The following NADSYN1 variants were observed in gnomAD, a reference collection of about 807,000 sequenced individuals.
NADSYN1 encodes the protein NAD synthetase 1, also known as glutamine-dependent NAD(+) synthetase.
NADSYN1 carries 80 observed loss-of-function variants against 99.3 expected under a neutral mutation model. The observed-to-expected ratio is 0.81, with a 90% CI of 0.67 to 0.97. The LOEUF (loss-of-function observed/expected upper bound fraction) is 0.97. Among genes scored for constraint, NADSYN1 ranks in the 50% least tolerant of loss-of-function variants. NADSYN1 has a pLI of 0.00. For missense variants in NADSYN1, 859 were observed against 948.5 expected, an observed-to-expected ratio of 0.91 and a Z score of 1.24; for synonymous variants, 385 against 372.1, an observed-to-expected ratio of 1.03 and a Z score of -0.40.
chr11:71,478,102 CAGGGGTGTGTCTTACTGACG>C (rs1949681774), intron 9 of NADSYN1, among the ~76,000 whole-genome samples: 2 of 151,680 alleles, frequency 1.3e-5, no homozygotes, highest in African/African-American at 4.9e-5. Context: ...GTCTTACTGA[CAGGGGTGTGTCTTACTGACG>C]GGGTGTGTCT....
chr11:71,473,756 T>C (rs1348460844), intron 8 of NADSYN1, 70 bp downstream of exon 8: 1 of 1,111,360 alleles, frequency 9.0e-7, no homozygotes, highest in Non-Finnish European at 1.4e-6. Flanking sequence ...GCATCCTCAG[T>C]GCCCATCGCA....
At chr11:71,457,923 G>T (rs969502831) in intron 2 of NADSYN1, among the ~76,000 whole-genome samples, 2 of 152,152 alleles carry the variant, frequency 1.3e-5, no homozygotes, top group Non-Finnish European at 2.9e-5. Context: ...GGTCACCTTC[G>T]CAGGTTTCTA....
intron 10 of NADSYN1, chr11:71,480,232 G>C (rs1242411183): frequency 6.4e-6 from 1 of 155,472 alleles, no homozygotes; most frequent in African/African-American, 2.4e-5. Context: ...GGAGTACAAT[G>C]GCGCAATCCC....
intron 9 of NADSYN1, among the ~76,000 whole-genome samples, chr11:71,475,790 C>T (rs554657968): frequency 3.3e-5 from 5 of 152,284 alleles, no homozygotes; most frequent in Admixed American, 3.3e-4. Context: ...TCTTGGCTCG[C>T]TGCAACCTCC....
intron 6 of NADSYN1, 44 bp from the exon 7 acceptor site, chr11:71,473,234 G>C (rs1426102349): frequency 3.8e-6 from 6 of 1,576,332 alleles, no homozygotes; most frequent in Non-Finnish European, 5.2e-6. Context: ...GCCCAGACAG[G>C]GCATGGCTAG....
intron 2 of NADSYN1, among the ~76,000 whole-genome samples, chr11:71,456,125 T>G (rs1358786011): frequency 1.3e-5 from 2 of 152,238 alleles, no homozygotes; most frequent in Non-Finnish European, 2.9e-5. Context: ...GTGTGTGTTC[T>G]TGCTTCTGGA....
At chr11:71,495,458 G>A (rs907309387) in intron 18 of NADSYN1, among the ~76,000 whole-genome samples, 4 of 152,206 alleles carry the variant, frequency 2.6e-5, no homozygotes, top group Non-Finnish European at 5.9e-5. Flanking sequence ...CCTGGGAAGC[G>A]TCCCGTGTGC....
chr11:71,464,170 G>C (rs1446161747), intron 5 of NADSYN1, 28 bp downstream of exon 5: 1 of 1,562,690 alleles, frequency 6.4e-7, no homozygotes, highest in African/African-American at 1.4e-5. Context: ...CCACTCCTGG[G>C]ATGTGCGTTA....
chr11:71,484,216 T>C, intron 14 of NADSYN1, 96 bp from the exon 15 acceptor site: 1 of 1,511,044 alleles, frequency 6.6e-7, no homozygotes, highest in Non-Finnish European at 9.0e-7. Context: ...TGGGTTACAA[T>C]GGTCAGTTTT....
intron 11 of NADSYN1, 117 bp from the exon 12 acceptor site, chr11:71,481,239 C>A: frequency 9.6e-7 from 1 of 1,044,180 alleles, no homozygotes; most frequent in Non-Finnish European, 1.5e-6. Flanking sequence ...GACGGGCGTC[C>A]TGAGAGCCCA....
chr11:71,486,462 T>G (rs954574954), intron 16 of NADSYN1, among the ~76,000 whole-genome samples: 6 of 151,900 alleles, frequency 3.9e-5, no homozygotes, highest in African/African-American at 7.3e-5. Flanking sequence ...TGTCTGTCCA[T>G]CCACCCACCC....
intron 18 of NADSYN1, among the ~76,000 whole-genome samples, chr11:71,494,910 G>C (rs1349256860): frequency 6.6e-6 from 1 of 152,126 alleles, no homozygotes; most frequent in East Asian, 1.9e-4. Context: ...ACTGATTTTA[G>C]TTGAGTCTTC....
chr11:71,457,546 G>A (rs912661572), intron 2 of NADSYN1, among the ~76,000 whole-genome samples: 1 of 152,210 alleles, frequency 6.6e-6, no homozygotes, highest in Admixed American at 6.5e-5. Flanking sequence ...ATTAATTCCT[G>A]TGGCTGCCGA....
chr11:71,474,877 C>A (rs943253251), intron 9 of NADSYN1: 5 of 361,170 alleles, frequency 1.4e-5, no homozygotes, highest in South Asian at 4.3e-5. Flanking sequence ...CCCCGACACA[C>A]AGCACATAGT....
In NADSYN1 at chr11:71,501,430, G is replaced by T; in HGVS notation, c.*78G>T. The T allele has an allele frequency of 7.0e-7, 1 of 1,431,640 alleles. No individual in the cohort carries two copies. The allele number at this position is 1,431,640 out of a possible 1,614,324, so 88.7% of individuals were successfully genotyped here. A position where few individuals can be genotyped will look rare whatever the true frequency, so the allele number is the denominator to read the frequency against. ...ATCAGCATTGCTGGAGCCAAGGGTAGGAGCCCTACACTAGGAGCCCAGGAT... is the reference window on the plus strand; with the variant it reads ...ATCAGCATTGCTGGAGCCAAGGGTATGAGCCCTACACTAGGAGCCCAGGAT... On this transcript the variant is annotated 3_prime_UTR_variant, in exon 21 of 21. Coordinates refer to ENST00000319023, the MANE Select transcript of NADSYN1 (RefSeq NM_018161.5).
intron 6 of NADSYN1, 22 bp from the exon 7 acceptor site, chr11:71,473,256 C>T (rs776082834): frequency 6.2e-6 from 10 of 1,610,724 alleles, no homozygotes; most frequent in Admixed American, 3.3e-5. Context: ...GAATCTCATG[C>T]ACTCTTCTCT....
At chr11:71,455,241 G>A (rs1949505307) in intron 2 of NADSYN1, 71 bp downstream of exon 2, 3 of 1,344,370 alleles carry the variant, frequency 2.2e-6, no homozygotes, top group African/African-American at 1.4e-5. Flanking sequence ...CAGCTGAGAA[G>A]GCAAGGAAGG....
intron 16 of NADSYN1, among the ~76,000 whole-genome samples, chr11:71,489,433 C>T (rs1486420265): frequency 6.7e-6 from 1 of 150,174 alleles, no homozygotes; most frequent in Non-Finnish European, 1.5e-5. Context: ...AGCATCCTGG[C>T]CCCACGGGTC....
At chr11:71,468,054 G>A (rs927936220) in intron 5 of NADSYN1, among the ~76,000 whole-genome samples, 4 of 152,204 alleles carry the variant, frequency 2.6e-5, no homozygotes, top group African/African-American at 4.8e-5. Flanking sequence ...GCCAGGAGAC[G>A]GTGGCTGGAA....
Sources: gnomAD v4.1 joint callset for allele counts (sites outside exome capture counted in the v4.1 genomes callset) on GRCh38, gnomAD v4.1.1 for gene constraint, MANE v1.5 for transcripts, NCBI Gene and HGNC (gene_info 2026-07-23, HGNC 2026-07-21) for gene names.